Variants in SULT1E1 observed in about 807,000 individuals in gnomAD.
The protein encoded by SULT1E1 is sulfotransferase family 1E member 1, also known as sulfotransferase 1E1.
In SULT1E1, 36 loss-of-function variants were observed where a neutral mutation model predicts 33.6. The ratio of observed to expected loss-of-function variants is 1.07; its 90% CI spans 0.82 to 1.41. SULT1E1 has a LOEUF of 1.41. Among genes scored for constraint, SULT1E1 ranks in the 40% most tolerant of loss-of-function variants. The probability of loss-of-function intolerance (pLI) is 0.00; values close to 1 mark genes in which losing one functional copy is unlikely to be tolerated. For synonymous variants in SULT1E1, 121 were observed against 111.7 expected (o/e 1.08, Z -0.53); for missense variants, 371 against 345.7 (o/e 1.07, Z -0.58).
chr4:69,856,935 C>CAA (rs11464421), intron 2 of SULT1E1, among the ~76,000 whole-genome samples: 8,850 of 59,120 alleles, frequency 0.15, 2,033 homozygotes, highest in Admixed American at 0.23. Context: ...GACTCCGTCT[C>CAA]AAAAAAAAAA....
the SULT1E1 span, among the ~76,000 whole-genome samples, chr4:69,836,096 A>G: frequency 1.3e-5 from 2 of 152,330 alleles, no homozygotes; most frequent in Non-Finnish European, 2.9e-5. Context: ...ATTATTACTA[A>G]AATGATTACA....
At chr4:69,833,156 G>C in the SULT1E1 span, among the ~76,000 whole-genome samples, 2 of 152,024 alleles carry the variant, frequency 1.3e-5, no homozygotes, top group African/African-American at 4.8e-5. Context: ...TGGAACCCTA[G>C]GCATGATACT....
Position 69,842,033 on chromosome 4 carries a change from T to C in SULT1E1, c.846A>G (p.Gln282=). Residue 282 remains glutamine (Q), a synonymous_variant, in exon 8 of 8, where the codon CAA becomes CAG. Coordinates refer to ENST00000226444, the MANE Select transcript of SULT1E1 (RefSeq NM_005420.3). The part of the protein sequence containing the change: ...NEKFDKHYEQ[Q]MKESTLKFRT... The stretch of plus-strand genomic sequence containing the variant: ...GAAACTTCAGTGTAGATTCCTTCAT[T>C]TGCTGCTCATAATGTTTATCAAATT... 1 of 1,612,004 alleles carries C rather than the reference T, an allele frequency of 6.2e-7. No homozygotes were observed. Among genetic ancestry groups the C allele is most frequent in the Non-Finnish European group, 8.5e-7 (1 of 1,179,210 alleles).
the SULT1E1 span, among the ~76,000 whole-genome samples, chr4:69,832,644 A>C: frequency 6.6e-6 from 1 of 152,164 alleles, no homozygotes; most frequent in Non-Finnish European, 1.5e-5. Flanking sequence ...GGTTAGTTCA[A>C]AGTTCAAAGG....
chr4:69,843,412 T>C (rs1475770810), intron 7 of SULT1E1, among the ~76,000 whole-genome samples: 1 of 152,218 alleles, frequency 6.6e-6, no homozygotes, highest in Non-Finnish European at 1.5e-5. Flanking sequence ...CTCTTTTCAG[T>C]GGATCCCTGT....
chr4:69,830,313 C>A, the SULT1E1 span, among the ~76,000 whole-genome samples: 1 of 152,238 alleles, frequency 6.6e-6, no homozygotes. Flanking sequence ...AGCTGAGTAG[C>A]ATTCATGCTC....
Position 69,841,917 on chromosome 4 carries a change from A to G in SULT1E1, c.*77T>C, listed in dbSNP as rs1198845870. 1 of 772,194 alleles carries G rather than the reference A, an allele frequency of 1.3e-6. No homozygotes were observed. Among genetic ancestry groups the G allele is most frequent in the South Asian group, 1.8e-5 (1 of 56,290 alleles). The allele number at this position is 772,194 out of a possible 1,614,324, so 47.8% of individuals were successfully genotyped here. Reference sequence around the variant, plus strand: ...AATCCATGATTATGTCTTTTCTAGCAATCTAAAATAAGAAAAAGTGGAGAA... The same window carrying G: ...AATCCATGATTATGTCTTTTCTAGCGATCTAAAATAAGAAAAAGTGGAGAA... On this transcript the variant is annotated 3_prime_UTR_variant, in exon 8 of 8. Coordinates refer to ENST00000226444, the MANE Select transcript of SULT1E1 (RefSeq NM_005420.3).
At chr4:69,858,424 T>A (rs1203565813) in intron 1 of SULT1E1, among the ~76,000 whole-genome samples, 1 of 152,206 alleles carries the variant, frequency 6.6e-6, no homozygotes, top group Admixed American at 6.5e-5. Flanking sequence ...ACAGAATTTT[T>A]AATTAGGCAT....
chr4:69,833,829 T>C, the SULT1E1 span, among the ~76,000 whole-genome samples: 1 of 152,170 alleles, frequency 6.6e-6, no homozygotes. Flanking sequence ...TCTCCCACCA[T>C]CTCACTACTC....
At chr4:69,828,448 A>T in the SULT1E1 span, among the ~76,000 whole-genome samples, 2 of 152,062 alleles carry the variant, frequency 1.3e-5, no homozygotes, top group Non-Finnish European at 2.9e-5. Flanking sequence ...GAGCTGTAAC[A>T]CTCACTGCAA....
rs965838849 is a variant in SULT1E1 at position 69,857,558 on chromosome 4, A to T, written c.87T>A (p.Asn29Lys). ...MYKDFVKYWD[N>K]VEAFQARPDD... ...CTGGTCTTGCCTGGAACGCTTCCAC[A>T]TTATCCCAATATTTGACAAAATCTT... Residue 29 changes from asparagine to lysine, a missense_variant, in exon 2 of 8, where the codon AAT becomes AAA. Transcript: ENST00000226444. 2 of 1,613,444 alleles carry T rather than the reference A, an allele frequency of 1.2e-6. No individual in the cohort carries two copies. Among genetic ancestry groups the T allele is most frequent in the Admixed American group, 1.7e-5 (1 of 59,828 alleles).
rs979359353 is a variant in SULT1E1 at position 69,851,374 on chromosome 4, T to C, written c.370-1811A>G. Reference sequence around the variant, plus strand: ...TGCAGCCAACAGACACATGAAAAAATGCTCAGCATCACTGGCCATCAGAGA... The same window carrying C: ...TGCAGCCAACAGACACATGAAAAAACGCTCAGCATCACTGGCCATCAGAGA... On this transcript the variant is annotated intron_variant, in intron 4 of 7. Transcript: ENST00000226444. Among the ~76,000 whole-genome samples, 61 of 152,020 alleles carry C rather than the reference T, an allele frequency of 4.0e-4. 1 individual carries two copies. The highest frequency in any genetic ancestry group is 2.9e-5 in the Non-Finnish European group (2 of 67,994).
At chr4:69,825,306 T>C in the SULT1E1 span, among the ~76,000 whole-genome samples, 1 of 152,258 alleles carries the variant, frequency 6.6e-6, no homozygotes, top group African/African-American at 2.4e-5. Flanking sequence ...CACACAATCT[T>C]TAAGAACTGT....
chr4:69,842,418 C>T (rs759412663), intron 7 of SULT1E1, among the ~76,000 whole-genome samples: 111 of 152,328 alleles, frequency 7.3e-4, no homozygotes, highest in Non-Finnish European at 1.2e-3. Context: ...TACCCACTCT[C>T]AAGGTGTTAA....
At chr4:69,849,299 A>C in intron 5 of SULT1E1, 138 bp downstream of exon 5, 4 of 975,308 alleles carry the variant, frequency 4.1e-6, no homozygotes, top group African/African-American at 1.7e-5. Context: ...CTAAACCTCC[A>C]GGCGCCTTTA....
rs753982089 is a variant in SULT1E1, at chr4:69,847,733, G to A, written c.556C>T (p.Arg186Cys). 36 of 1,608,788 alleles carry A rather than the reference G, an allele frequency of 2.2e-5. No homozygotes were observed. Among genetic ancestry groups the A allele is most frequent in the South Asian group, 3.3e-5 (3 of 90,740 alleles). Residue 186 changes from arginine (R) to cysteine (C), a missense_variant, in exon 6 of 8, where the codon CGT becomes TGT. Coordinates refer to ENST00000226444, the MANE Select transcript of SULT1E1 (RefSeq NM_005420.3). ...TCTTCGTAGAAAAGAAATAGTACAC[G>A]TGGACTCTTTCCCTTTTCCCACCAA... ...KSWWEKGKSP[R>C]VLFLFYEDLK... is the part of the protein sequence containing the mutation.
chr4:69,855,012 TA>T (rs1721207158), intron 3 of SULT1E1, among the ~76,000 whole-genome samples: 1 of 152,078 alleles, frequency 6.6e-6, no homozygotes, highest in Non-Finnish European at 1.5e-5. Context: ...TCTCCATATT[TA>T]AAATATCATC....
the SULT1E1 span, among the ~76,000 whole-genome samples, chr4:69,827,390 G>A: frequency 6.6e-6 from 1 of 152,108 alleles, no homozygotes; most frequent in Non-Finnish European, 1.5e-5. Context: ...CTCAGATCAT[G>A]GGGACTGGAG....
the SULT1E1 span, among the ~76,000 whole-genome samples, chr4:69,835,419 A>G: frequency 6.6e-6 from 1 of 152,194 alleles, no homozygotes; most frequent in Non-Finnish European, 1.5e-5. Context: ...TTAAATAGAG[A>G]GAATAACTTG....
Sources: gnomAD v4.1 joint callset for allele counts (sites outside exome capture counted in the v4.1 genomes callset) on GRCh38, gnomAD v4.1.1 for gene constraint, MANE v1.5 for transcripts, NCBI Gene and HGNC (gene_info 2026-07-23, HGNC 2026-07-21) for gene names.